Variants in FOXP2 observed in about 807,000 individuals in gnomAD.
The protein encoded by FOXP2 is forkhead box P2.
Under a neutral mutation model 115.8 loss-of-function variants are expected in FOXP2, and 12 were observed. The observed-to-expected ratio is 0.10, with a 90% CI of 0.07 to 0.17. FOXP2 has a LOEUF of 0.17. Ranked by LOEUF, FOXP2 falls within the 10% of genes least tolerant of loss-of-function variation. The probability of loss-of-function intolerance (pLI) is 1.00; values close to 1 mark genes in which losing one functional copy is unlikely to be tolerated. For synonymous variants in FOXP2, 328 were observed against 297.7 expected (o/e 1.10, Z -1.05); for missense variants, 629 against 843.5 (o/e 0.75, Z 3.15).
chr7:114,384,484 AAG>A (rs796999163), intron 2 of FOXP2, among the ~76,000 whole-genome samples: 9 of 152,210 alleles, frequency 5.9e-5, no homozygotes, highest in East Asian at 1.9e-4. Flanking sequence ...CTGCTTCCAC[AAG>A]AGTCTCCGTA....
intron 16 of FOXP2, among the ~76,000 whole-genome samples, chr7:114,680,636 T>C (rs1207761541): frequency 6.6e-6 from 1 of 151,474 alleles, no homozygotes; most frequent in Non-Finnish European, 1.5e-5. Flanking sequence ...AAAAATTTAC[T>C]GGGAGGCTGA....
At chr7:114,532,744 A>T (rs1349760142) in intron 2 of FOXP2, among the ~76,000 whole-genome samples, 1 of 151,836 alleles carries the variant, frequency 6.6e-6, no homozygotes, top group Non-Finnish European at 1.5e-5. Flanking sequence ...GGTATACAAA[A>T]TAAACTCATC....
intron 2 of FOXP2, among the ~76,000 whole-genome samples, chr7:114,526,453 G>A (rs1168147954): frequency 1.3e-5 from 2 of 149,238 alleles, no homozygotes; most frequent in Non-Finnish European, 3.0e-5. Context: ...TCCAGTCTGG[G>A]CGACAGGGTG....
Position 114,293,170 on chromosome 7 carries a change from A to G in FOXP2, c.-11+5061A>G, listed in dbSNP as rs889690281. Among the ~76,000 whole-genome samples the G allele has an allele frequency of 4.7e-4, 71 of 152,170 alleles. 1 individual carries two copies. Among genetic ancestry groups the G allele is most frequent in the Non-Finnish European group, 8.8e-5 (6 of 68,036 alleles). The stretch of plus-strand genomic sequence containing the variant: ...TTACCAGGGTTGGCCTATGTCATCA[A>G]TAGAATACGGCACAAGTTCTGTTTG... On this transcript the variant is annotated intron_variant, in intron 2 of 17. Coordinates refer to the FOXP2 transcript ENST00000634411.
At chr7:114,162,618 A>G (rs1351672691), upstream of FOXP2, among the ~76,000 whole-genome samples, 1 of 151,976 alleles carries the variant, frequency 6.6e-6, no homozygotes, top group East Asian at 1.9e-4. Flanking sequence ...GTCCATTCAA[A>G]CTCACGGATT....
chr7:114,196,789 C>T (rs1156661007), intron 1 of FOXP2, among the ~76,000 whole-genome samples: 1 of 152,226 alleles, frequency 6.6e-6, no homozygotes, highest in Admixed American at 6.5e-5. Flanking sequence ...TTCAAGTTCC[C>T]CTTATTTACA....
chr7:114,557,739 T>G (rs1800533071), intron 3 of FOXP2, among the ~76,000 whole-genome samples: 2 of 152,116 alleles, frequency 1.3e-5, no homozygotes, highest in African/African-American at 4.8e-5. Context: ...AGTACTCTTC[T>G]GTTCTCAAAA....
intron 2 of FOXP2, among the ~76,000 whole-genome samples, chr7:114,435,601 G>A (rs1424275775): frequency 6.6e-6 from 1 of 152,104 alleles, no homozygotes; most frequent in African/African-American, 2.4e-5. Flanking sequence ...GCAATGGCGT[G>A]ATCTTGGCTC....
intron 2 of FOXP2, among the ~76,000 whole-genome samples, chr7:114,469,709 T>C (rs1251845745): frequency 1.3e-5 from 2 of 152,296 alleles, no homozygotes; most frequent in East Asian, 1.9e-4. Context: ...TATAACCTTC[T>C]TTTATTTATT....
At chr7:114,400,319 T>G (rs936493355) in intron 2 of FOXP2, among the ~76,000 whole-genome samples, 1 of 152,178 alleles carries the variant, frequency 6.6e-6, no homozygotes, top group Admixed American at 6.5e-5. Flanking sequence ...TTCAGAATTT[T>G]TAAGGACTGA....
intron 2 of FOXP2, among the ~76,000 whole-genome samples, chr7:114,471,014 T>G (rs944355345): frequency 3.3e-5 from 5 of 152,202 alleles, no homozygotes; most frequent in African/African-American, 7.2e-5. Flanking sequence ...CCTTGTTCTC[T>G]GTACATACCC....
At chr7:114,636,500 A>G (rs1228114242) in intron 6 of FOXP2, among the ~76,000 whole-genome samples, 1 of 152,184 alleles carries the variant, frequency 6.6e-6, no homozygotes, top group Non-Finnish European at 1.5e-5. Context: ...TAAGTAGCGT[A>G]TCACTAAATA....
chr7:114,114,078 A>G (rs1423523280), intron 1 of FOXP2, among the ~76,000 whole-genome samples: 3 of 151,988 alleles, frequency 2.0e-5, no homozygotes, highest in Non-Finnish European at 4.4e-5. Flanking sequence ...ACAAAAATGA[A>G]GGAAAACATG....
At chr7:114,394,889 G>A (rs1012090564) in intron 2 of FOXP2, among the ~76,000 whole-genome samples, 1 of 152,156 alleles carries the variant, frequency 6.6e-6, no homozygotes, top group Non-Finnish European at 1.5e-5. Flanking sequence ...TCGCTAGAGA[G>A]GACATTATTA....
upstream of FOXP2, among the ~76,000 whole-genome samples, chr7:114,162,725 G>A (rs1792875984): frequency 6.6e-6 from 1 of 151,902 alleles, no homozygotes; most frequent in Non-Finnish European, 1.5e-5. Context: ...ATGCTGCTTA[G>A]CCATAAAAAG....
At chr7:114,561,410 T>A (rs909229336) in intron 3 of FOXP2, 5 of 152,234 alleles carry the variant, frequency 3.3e-5, no homozygotes, top group African/African-American at 1.2e-4. Context: ...GACTCACTAA[T>A]TTATGCAATT....
chr7:114,320,241 A>G (rs1415667989), intron 2 of FOXP2, among the ~76,000 whole-genome samples: 1 of 152,156 alleles, frequency 6.6e-6, no homozygotes, highest in Non-Finnish European at 1.5e-5. Flanking sequence ...AAGAATATGT[A>G]TTTATTTTTG....
chr7:114,365,851 T>C (rs1051011433), intron 2 of FOXP2, among the ~76,000 whole-genome samples: 1 of 152,158 alleles, frequency 6.6e-6, no homozygotes, highest in Non-Finnish European at 1.5e-5. Context: ...TCTATGGCTA[T>C]TTGACATGCC....
chr7:114,420,880 G>A (rs1317878967), intron 1 of FOXP2, among the ~76,000 whole-genome samples: 2 of 151,520 alleles, frequency 1.3e-5, no homozygotes, highest in Non-Finnish European at 3.0e-5. Flanking sequence ...ACCTTGAAAA[G>A]TAAAAATTGG....
Sources: gnomAD v4.1 joint callset for allele counts (sites outside exome capture counted in the v4.1 genomes callset) on GRCh38, gnomAD v4.1.1 for gene constraint, MANE v1.5 for transcripts, NCBI Gene and HGNC (gene_info 2026-07-23, HGNC 2026-07-21) for gene names.